The following HMCN1 variants were observed in gnomAD, a reference collection of about 807,000 sequenced individuals.
HMCN1 encodes the protein hemicentin 1, also known as hemicentin-1.
A neutral mutation model predicts 625.9 loss-of-function variants in HMCN1; 321 were observed. The ratio of observed to expected loss-of-function variants is 0.51; its 90% confidence interval spans 0.47 to 0.56. HMCN1 has a LOEUF of 0.56. Ranked by LOEUF, HMCN1 falls within the 20% of genes least tolerant of loss-of-function variation. The pLI, the probability that HMCN1 is intolerant of heterozygous loss-of-function variation, is 0.00. For synonymous variants in HMCN1, 2,425 were observed against 2,417.6 expected (o/e 1.00, Z -0.09); for missense variants, 6,588 against 6,887.3 (o/e 0.96, Z 1.54).
rs192505144 is a variant in HMCN1 at position 185,927,765 on chromosome 1, C to T, written c.1431-781C>T. Among the ~76,000 whole-genome samples, 697 of 151,940 alleles carry T rather than the reference C, an allele frequency of 4.6e-3. 24 individuals carry two copies. The highest frequency in any genetic ancestry group is 0.038 in the Admixed American group (573 of 15,234). On this transcript the variant is annotated intron_variant, in intron 9 of 106. Coordinates refer to ENST00000271588, the MANE Select transcript of HMCN1 (RefSeq NM_031935.3). ...AGGTTATAAGTAGCTATAGATGATACGGGAGAAAAAATTATGAAAACATTT... is the reference window on the plus strand; with the variant it reads ...AGGTTATAAGTAGCTATAGATGATATGGGAGAAAAAATTATGAAAACATTT...
At chr1:186,049,165 A>C (rs961390736) in intron 42 of HMCN1, among the ~76,000 whole-genome samples, 1 of 152,052 alleles carries the variant, frequency 6.6e-6, no homozygotes, top group African/African-American at 2.4e-5. Context: ...TGGAAAGAAA[A>C]TAAGCCAAAA....
At chr1:186,143,143 A>G (rs1254287761) in intron 89 of HMCN1, among the ~76,000 whole-genome samples, 1 of 152,240 alleles carries the variant, frequency 6.6e-6, no homozygotes, top group Non-Finnish European at 1.5e-5. Context: ...CACAAGGATA[A>G]TTAGTCAACT....
chr1:186,131,306 A>G (rs568186319), intron 85 of HMCN1, among the ~76,000 whole-genome samples: 1 of 151,950 alleles, frequency 6.6e-6, no homozygotes, highest in South Asian at 2.1e-4. Context: ...TTTTACTTCA[A>G]CATTAGATGT....
intron 1 of HMCN1, among the ~76,000 whole-genome samples, chr1:185,741,088 C>T (rs1653965950): frequency 6.6e-6 from 1 of 152,150 alleles, no homozygotes; most frequent in South Asian, 2.1e-4. Context: ...GCCATGTGAT[C>T]TCTTTGCAAT....
At chr1:185,873,934 A>T (rs1663781400) in intron 4 of HMCN1, among the ~76,000 whole-genome samples, 1 of 152,034 alleles carries the variant, frequency 6.6e-6, no homozygotes, top group Admixed American at 6.6e-5. Flanking sequence ...CATAATTACT[A>T]TCTATCTGAA....
intron 1 of HMCN1, among the ~76,000 whole-genome samples, chr1:185,837,063 ATG>A (rs1248726675): frequency 6.7e-6 from 1 of 150,086 alleles, no homozygotes; most frequent in East Asian, 1.9e-4. Flanking sequence ...ATATATATAT[ATG>A]TGTCACATTT....
intron 83 of HMCN1, 132 bp downstream of exon 83, chr1:186,128,423 C>T: frequency 1.3e-6 from 1 of 758,206 alleles, no homozygotes; most frequent in South Asian, 1.6e-5. Flanking sequence ...AAATGTGTGC[C>T]TCTGCTTGGA....
intron 58 of HMCN1, among the ~76,000 whole-genome samples, chr1:186,086,865 TAG>T (rs1558211121): frequency 6.8e-6 from 1 of 148,120 alleles, no homozygotes; most frequent in Non-Finnish European, 1.5e-5. Flanking sequence ...GATAGATAGA[TAG>T]ATTAGACACC....
intron 97 of HMCN1, among the ~76,000 whole-genome samples, chr1:186,160,879 G>GA (rs1175736449): frequency 6.6e-5 from 10 of 150,718 alleles, no homozygotes; most frequent in Non-Finnish European, 2.9e-5. Context: ...GTGTGGTGCT[G>GA]AAAAAAATGT....
intron 55 of HMCN1, among the ~76,000 whole-genome samples, chr1:186,080,637 A>G (rs992329633): frequency 6.6e-6 from 1 of 152,126 alleles, no homozygotes; most frequent in African/African-American, 2.4e-5. Context: ...AGAGATGCCT[A>G]TTGAAGTTAG....
intron 82 of HMCN1, among the ~76,000 whole-genome samples, chr1:186,127,782 G>A (rs1661719144): frequency 6.6e-6 from 1 of 152,080 alleles, no homozygotes; most frequent in Non-Finnish European, 1.5e-5. Flanking sequence ...CTTTATTTGT[G>A]CAATGCAGAG....
chr1:186,126,436 T>C (rs1661648649), intron 82 of HMCN1, among the ~76,000 whole-genome samples: 1 of 151,872 alleles, frequency 6.6e-6, no homozygotes, highest in African/African-American at 2.4e-5. Context: ...AAAATAGTAA[T>C]GTCAGAAGAA....
intron 54 of HMCN1, 115 bp from the exon 55 acceptor site, chr1:186,077,992 C>T (rs1658932450): frequency 1.3e-6 from 1 of 745,010 alleles, no homozygotes; most frequent in African/African-American, 1.7e-5. Context: ...TTGGATGAAA[C>T]AGGAACCTTG....
chr1:185,746,178 G>C (rs557054789), intron 1 of HMCN1, among the ~76,000 whole-genome samples: 1 of 152,260 alleles, frequency 6.6e-6, no homozygotes, highest in East Asian at 1.9e-4. Flanking sequence ...TAAGAAAATG[G>C]AGCTGGTGAG....
rs531477943 is a variant in HMCN1, at chr1:186,138,029, G to T, written c.13924+57G>T. Reference sequence around the variant, plus strand: ...AAAACTTTTCTATCTTAACCCCTATGAAAGAATTACATTTGCCTTTTCTTC... The same window carrying T: ...AAAACTTTTCTATCTTAACCCCTATTAAAGAATTACATTTGCCTTTTCTTC... On this transcript the variant is annotated intron_variant, in intron 89 of 106. Transcript: ENST00000271588. The T allele has an allele frequency of 1.5e-5, 23 of 1,579,770 alleles. No homozygotes were observed. The South Asian group carries it at 2.2e-4, about 15-fold the overall frequency.
In HMCN1 at chr1:185,870,488, A is replaced by C. The variant is rs542276923; in HGVS notation, c.621+4625A>C. Among the ~76,000 whole-genome samples the C allele has an allele frequency of 6.6e-5, 10 of 152,276 alleles. No homozygotes were observed. In the East Asian group the frequency reaches 1.9e-3, roughly 29 times the overall value. ...TGTAACATTCCCTTCCCTCGAAAAA[A>C]ACTTACCAGCCTGTTGTATTGGTCC... On this transcript the variant is annotated intron_variant, in intron 4 of 106. Transcript: ENST00000271588.
Position 186,136,942 on chromosome 1 carries a change from G to A in HMCN1, c.13582+5G>A, listed in dbSNP as rs759051932. 1.2e-6 allele frequency: 2 copies of A among 1,612,976 alleles called. No individual in the cohort carries two copies. Among genetic ancestry groups the A allele is most frequent in the Non-Finnish European group, 1.7e-6 (2 of 1,179,822 alleles). On this transcript the variant is annotated splice_donor_5th_base_variant and intron_variant, in intron 87 of 106. Coordinates refer to ENST00000271588, the MANE Select transcript of HMCN1 (RefSeq NM_031935.3). Reference sequence around the variant, plus strand: ...GAGTGCCAGTCATAGTCCAGGGTGAGTGTGATCAGAGGAATATTCATAGTA... The same window carrying A: ...GAGTGCCAGTCATAGTCCAGGGTGAATGTGATCAGAGGAATATTCATAGTA...
At chr1:186,178,879 G>C (rs377531758) in intron 104 of HMCN1, 113 bp downstream of exon 104, 1 of 802,250 alleles carries the variant, frequency 1.2e-6, no homozygotes, top group African/African-American at 1.7e-5. Context: ...TCTCAAGTTC[G>C]GAATGACTCA....
chr1:185,989,772 A>ATTTTTTTTTTTTTTTTTTTTTTTTTTT (rs1156913510), intron 21 of HMCN1, 125 bp downstream of exon 21: 2 of 490,924 alleles, frequency 4.1e-6, no homozygotes, highest in African/African-American at 2.3e-5. Flanking sequence ...CCAGATTTCT[A>ATTTTTTTTTTTTTTTTTTTTTTTTTTT]TTTTTTTTTT....
Sources: allele counts gnomAD v4.1 joint callset (sites outside exome capture counted in the v4.1 genomes callset), GRCh38; gene constraint gnomAD v4.1.1; transcripts MANE v1.5; gene names NCBI Gene and HGNC (gene_info 2026-07-23, HGNC 2026-07-21).